The following TBCD variants were observed in gnomAD, a reference collection of about 807,000 sequenced individuals.
TBCD encodes tubulin folding cofactor D.
Under a neutral mutation model 169.3 loss-of-function variants are expected in TBCD, and 105 were observed. That is an observed-to-expected ratio of 0.62 (90% CI 0.53 to 0.73). TBCD has a LOEUF of 0.73. Ranked by LOEUF, TBCD falls within the 30% of genes least tolerant of loss-of-function variation. The pLI is 0.00. For missense variants in TBCD, 1,444 were observed against 1,600.1 expected, an observed-to-expected ratio of 0.90 and a Z score of 1.66; for synonymous variants, 700 against 643.9, an observed-to-expected ratio of 1.09 and a Z score of -1.32.
chr17:82,889,508 G>A lies in TBCD; in HGVS notation c.1534-160G>A, dbSNP rs114629037. On this transcript the variant is annotated intron_variant, in intron 15 of 38. Coordinates refer to ENST00000355528, the MANE Select transcript of TBCD (RefSeq NM_005993.5). This position sits in a 1 kb window ranked among gnomAD's most constrained non-coding sequence, Gnocchi z 5.3. ...TAAAGAGCACCAGGACGTAAAAACA[G>A]AGTGACGCACCTTGAGGCTCTGTTC... is the stretch of plus-strand genomic sequence containing the variant. Among the ~76,000 whole-genome samples the A allele has an allele frequency of 7.7e-4, 117 of 152,320 alleles. No homozygotes were observed. The highest frequency in any genetic ancestry group is 2.7e-3 in the African/African-American group (114 of 41,562).
At position 82,860,335 on chromosome 17, in the gene TBCD, T is replaced by G. The variant is rs532623963; in HGVS notation, c.1319-9889T>G. The stretch of plus-strand genomic sequence containing the variant: ...GCGCTGAGCGTCCCCTCCCCTCTGG[T>G]GGCCTTTCGCAGTGGTGGAGGGGCA... On this transcript the variant is annotated intron_variant, in intron 13 of 38. Transcript: ENST00000355528. 5.1e-6 allele frequency: 5 copies of G among 977,260 alleles called. No individual in the cohort carries two copies. In the East Asian group the frequency reaches 5.7e-4, roughly 112 times the overall value. 60.5% of individuals were successfully genotyped at this position (977,260 alleles called of 1,614,324 possible). A position where few individuals can be genotyped will look rare whatever the true frequency, so the allele number is the denominator to read the frequency against.
At chr17:82,829,973 A>G in intron 13 of TBCD, 1 of 1,147,844 alleles carries the variant, frequency 8.7e-7, no homozygotes, top group South Asian at 1.6e-5. Flanking sequence ...CTTAATATTT[A>G]TAAAAACTGA....
chr17:82,859,982 C>T, intron 13 of TBCD: 2 of 763,176 alleles, frequency 2.6e-6, no homozygotes, highest in Non-Finnish European at 1.6e-6. Flanking sequence ...CTTCATGTGT[C>T]CTTGGGTGTC....
At chr17:82,852,190 T>G (rs1236558628) in intron 13 of TBCD, among the ~76,000 whole-genome samples, 1 of 136,864 alleles carries the variant, frequency 7.3e-6, no homozygotes, top group African/African-American at 2.7e-5. Context: ...ATGGGTTCTC[T>G]GTGTCTACCC....
At chr17:82,935,395 C>T (rs11869930) in intron 34 of TBCD, among the ~76,000 whole-genome samples, 28,206 of 152,050 alleles carry the variant, frequency 0.19, 2,985 homozygotes, top group African/African-American at 0.28. Flanking sequence ...TTTTACCTGC[C>T]TCCTTCATGA....
chr17:82,889,998 CG>C lies in TBCD; in HGVS notation c.1563+305del, dbSNP rs1567967606. 6.6e-6 allele frequency among the ~76,000 whole-genome samples: 1 copy of C among 152,144 alleles called. No homozygotes were observed. Among genetic ancestry groups the C allele is most frequent in the African/African-American group, 2.4e-5 (1 of 41,458 alleles). ...GGTCCCTGGGACCAGCCTGGCCTTG[CG>C]GGGACGCAGACCTGACCCCGCCTCA... On this transcript the variant is annotated intron_variant, in intron 16 of 38. Transcript: ENST00000355528. This position sits in a 1 kb window ranked among gnomAD's most constrained non-coding sequence, Gnocchi z 5.3.
chr17:82,854,191 C>T (rs55971723), intron 13 of TBCD, among the ~76,000 whole-genome samples: 16,264 of 152,192 alleles, frequency 0.11, 1,164 homozygotes, highest in South Asian at 0.29. Flanking sequence ...ACCCTGAATC[C>T]GAAAATCCAA....
At chr17:82,904,345 T>C (rs2060091032) in intron 19 of TBCD, among the ~76,000 whole-genome samples, 1 of 151,510 alleles carries the variant, frequency 6.6e-6, no homozygotes, top group African/African-American at 2.4e-5. Context: ...CTCCTTGGTC[T>C]CTAGGTGGCT....
chr17:82,858,051 T>G (rs2056464896), intron 13 of TBCD, among the ~76,000 whole-genome samples: 1 of 152,112 alleles, frequency 6.6e-6, no homozygotes, highest in Non-Finnish European at 1.5e-5. Context: ...TAGCTGGTGC[T>G]ACAGGGGCAC....
intron 6 of TBCD, among the ~76,000 whole-genome samples, chr17:82,772,840 G>A (rs2048374554): frequency 6.6e-6 from 1 of 152,082 alleles, no homozygotes; most frequent in South Asian, 2.1e-4. Flanking sequence ...GAAACATCTC[G>A]GGCCGTCTCC....
chr17:82,899,376 C>T (rs546030052), intron 17 of TBCD, among the ~76,000 whole-genome samples: 51 of 69,112 alleles, frequency 7.4e-4, no homozygotes, highest in African/African-American at 1.5e-3. Context: ...CCTCAGCGCA[C>T]GTGTCCTCAG....
At chr17:82,820,104 G>A (rs1001223556) in intron 13 of TBCD, among the ~76,000 whole-genome samples, 3 of 151,386 alleles carry the variant, frequency 2.0e-5, no homozygotes, top group Admixed American at 2.0e-4. Flanking sequence ...TCAGCCTCCC[G>A]AGTAGCTGGG....
chr17:82,863,472 T>A (rs1248563851), intron 13 of TBCD, among the ~76,000 whole-genome samples: 2 of 152,054 alleles, frequency 1.3e-5, no homozygotes, highest in African/African-American at 4.8e-5. Flanking sequence ...TTGCAAATGA[T>A]CTGTGTTCTT....
At chr17:82,872,452 G>A (rs2057646202) in intron 14 of TBCD, among the ~76,000 whole-genome samples, 1 of 152,198 alleles carries the variant, frequency 6.6e-6, no homozygotes, top group East Asian at 1.9e-4. Context: ...CAGAGAAGAC[G>A]GAGAGGTCCG....
intron 13 of TBCD, among the ~76,000 whole-genome samples, chr17:82,863,466 A>G (rs2056937370): frequency 6.6e-6 from 1 of 152,208 alleles, no homozygotes; most frequent in South Asian, 2.1e-4. Context: ...GAAAAATTGC[A>G]AATGATCTGT....
chr17:82,915,774 C>T lies in TBCD; in HGVS notation c.2038+3985C>T, dbSNP rs900793753. On this transcript the variant is annotated intron_variant, in intron 23 of 38. Transcript: ENST00000355528. The surrounding 1 kb of genome is among the most constrained non-coding windows in gnomAD (Gnocchi z 4.3). ...ATCAGGAAAAGTTCTCCTCTCATGCCGAAGACGGGAGGGAAACCAGAGGGA... is the reference window on the plus strand; with the variant it reads ...ATCAGGAAAAGTTCTCCTCTCATGCTGAAGACGGGAGGGAAACCAGAGGGA... Among the ~76,000 whole-genome samples the T allele has an allele frequency of 5.3e-5, 8 of 152,126 alleles. No individual in the cohort carries two copies. Among genetic ancestry groups the T allele is most frequent in the Admixed American group, 2.0e-4 (3 of 15,270 alleles).
chr17:82,907,627 C>G, intron 20 of TBCD, 134 bp from the exon 21 acceptor site: 1 of 909,270 alleles, frequency 1.1e-6, no homozygotes, highest in Non-Finnish European at 1.7e-6. Flanking sequence ...AAGAATGAGA[C>G]CTTGCTGAGC....
intron 15 of TBCD, among the ~76,000 whole-genome samples, chr17:82,887,547 G>A (rs1315547387): frequency 6.6e-6 from 1 of 152,158 alleles, no homozygotes; most frequent in Non-Finnish European, 1.5e-5. Flanking sequence ...ACGACATCAG[G>A]ATGGTTTCTA....
Position 82,903,445 on chromosome 17 carries a change from G to C in TBCD, c.1771G>C (p.Ala591Pro). 1 of 1,602,980 alleles carries C rather than the reference G, an allele frequency of 6.2e-7. No individual in the cohort carries two copies. Among genetic ancestry groups the C allele is most frequent in the Non-Finnish European group, 8.5e-7 (1 of 1,174,870 alleles). The change falls in exon 19 of 39, where the codon GCC (alanine) becomes CCC (proline). Residue 591 changes from alanine (A) to proline (P), a missense_variant. Coordinates refer to ENST00000355528, the MANE Select transcript of TBCD (RefSeq NM_005993.5). This position sits in a 1 kb window ranked among gnomAD's most constrained non-coding sequence, Gnocchi z 4.8. ...GGCTGCGAGGGCGCTGCACAACCTG[G>C]CCCAGCAGGCACCCGAGTTCAGCGC... ...ELAARALHNL[A>P]QQAPEFSATQ...
Sources: gnomAD v4.1 joint callset for allele counts (sites outside exome capture counted in the v4.1 genomes callset) on GRCh38, gnomAD v4.1.1 for gene constraint, Gnocchi (gnomAD v3.1) non-coding constraint, MANE v1.5 for transcripts, NCBI Gene and HGNC (gene_info 2026-07-23, HGNC 2026-07-21) for gene names.